The following NELL1 variants were observed in gnomAD, a reference collection of about 807,000 sequenced individuals.
The protein encoded by NELL1 is protein kinase C-binding protein NELL1.
NELL1 carries 76 observed loss-of-function variants against 107.4 expected under a neutral mutation model. That is an observed-to-expected ratio of 0.71 (90% CI 0.59 to 0.86). The LOEUF is 0.86. Ranked by LOEUF, NELL1 falls within the 40% of genes least tolerant of loss-of-function variation. The pLI is 0.00. For missense variants in NELL1, 1,024 were observed against 1,005.5 expected (o/e 1.02, Z -0.25); for synonymous variants, 353 against 341.2 (o/e 1.03, Z -0.38).
chr11:21,087,387 GA>G (rs61212226), intron 12 of NELL1, among the ~76,000 whole-genome samples: 66,898 of 148,478 alleles, frequency 0.45, 14,903 homozygotes, highest in East Asian at 0.55. Context: ...GATCTGAAAA[GA>G]AAAAAAAAAA....
intron 12 of NELL1, among the ~76,000 whole-genome samples, chr11:21,056,697 T>A (rs1311561665): frequency 6.6e-6 from 1 of 152,194 alleles, no homozygotes; most frequent in Non-Finnish European, 1.5e-5. Context: ...CATTTCATTT[T>A]TTATTAAAAC....
chr11:20,695,906 G>A (rs948957911), intron 2 of NELL1, among the ~76,000 whole-genome samples: 2 of 135,818 alleles, frequency 1.5e-5, no homozygotes, highest in African/African-American at 6.5e-5. Flanking sequence ...TCTGGCCTGG[G>A]CTTTTTTTTT....
intron 12 of NELL1, among the ~76,000 whole-genome samples, chr11:20,980,936 A>G (rs1399341210): frequency 4.6e-5 from 7 of 152,238 alleles, no homozygotes; most frequent in East Asian, 1.9e-4. Context: ...TCAGTGAGCA[A>G]TACCTCCAAA....
At chr11:20,961,030 A>T (rs1851279452) in intron 12 of NELL1, among the ~76,000 whole-genome samples, 1 of 152,106 alleles carries the variant, frequency 6.6e-6, no homozygotes, top group African/African-American at 2.4e-5. Flanking sequence ...TTTCTTCGTG[A>T]CTGGTTCATG....
chr11:21,431,940 A>T (rs1344665717), intron 15 of NELL1, among the ~76,000 whole-genome samples: 1 of 152,116 alleles, frequency 6.6e-6, no homozygotes, highest in Non-Finnish European at 1.5e-5. Context: ...ATTCAGGGCT[A>T]TTTTCCTTAC....
At position 21,011,218 on chromosome 11, in the gene NELL1, C is replaced by G. The variant is rs146898105; in HGVS notation, c.1300+50658C>G. 2.6e-3 allele frequency among the ~76,000 whole-genome samples: 391 copies of G among 152,230 alleles called. 3 individuals carry two copies. Among genetic ancestry groups the G allele is most frequent in the African/African-American group, 8.7e-3 (361 of 41,566 alleles). On this transcript the variant is annotated intron_variant, in intron 12 of 19. Coordinates refer to ENST00000357134, the MANE Select transcript of NELL1 (RefSeq NM_006157.5). ...CCAAGAATATCCTCTATGATGAAGT[C>G]TTTCTGGATCTCCTGGTCTAGCCCA...
intron 10 of NELL1, among the ~76,000 whole-genome samples, chr11:20,938,749 G>A (rs1850779946): frequency 6.6e-6 from 1 of 152,132 alleles, no homozygotes; most frequent in East Asian, 1.9e-4. Context: ...TTTACTTAGG[G>A]ACCTGCAAAT....
At chr11:21,335,269 A>T (rs1010024) in intron 14 of NELL1, among the ~76,000 whole-genome samples, 75,671 of 151,488 alleles carry the variant, frequency 0.5, 19,220 homozygotes, top group Admixed American at 0.62. Context: ...TTTTGCAGTT[A>T]CATCAAGAGC....
chr11:21,235,276 C>T (rs758869065), intron 14 of NELL1, among the ~76,000 whole-genome samples: 7 of 152,042 alleles, frequency 4.6e-5, no homozygotes, highest in Non-Finnish European at 7.4e-5. Flanking sequence ...TATTGAAAAA[C>T]GGGAGGATTG....
intron 15 of NELL1, among the ~76,000 whole-genome samples, chr11:21,480,739 T>C (rs755881094): frequency 1.3e-5 from 2 of 152,318 alleles, no homozygotes; most frequent in Non-Finnish European, 2.9e-5. Context: ...TAACCAGTTG[T>C]GCCAGAGAGG....
intron 15 of NELL1, among the ~76,000 whole-genome samples, chr11:21,503,400 A>G: frequency 6.6e-6 from 1 of 152,198 alleles, no homozygotes; most frequent in East Asian, 1.9e-4. Context: ...TAGGACAAAA[A>G]TCAAATAAGC....
At chr11:21,489,850 T>C (rs1045673728) in intron 15 of NELL1, among the ~76,000 whole-genome samples, 4 of 151,656 alleles carry the variant, frequency 2.6e-5, no homozygotes, top group Non-Finnish European at 5.9e-5. Context: ...TCATAGTGAG[T>C]GGGGAAAAGC....
At chr11:21,097,353 G>C (rs534591115) in intron 12 of NELL1, among the ~76,000 whole-genome samples, 1 of 152,332 alleles carries the variant, frequency 6.6e-6, no homozygotes, top group South Asian at 2.1e-4. Context: ...TATTTCTGCA[G>C]AAGGGTGCCA....
intron 15 of NELL1, among the ~76,000 whole-genome samples, chr11:21,409,565 AAAACTT>A (rs1307137880): frequency 1.3e-5 from 2 of 151,996 alleles, no homozygotes; most frequent in Admixed American, 6.6e-5. Context: ...CATGTACCCT[AAAACTT>A]AAAGTATAAT....
At chr11:21,408,290 A>G (rs528805174) in intron 15 of NELL1, among the ~76,000 whole-genome samples, 1 of 152,110 alleles carries the variant, frequency 6.6e-6, no homozygotes, top group South Asian at 2.1e-4. Context: ...TCTTCCTACC[A>G]GATACCTTGC....
At chr11:21,296,176 T>C (rs1849371162) in intron 14 of NELL1, among the ~76,000 whole-genome samples, 1 of 152,024 alleles carries the variant, frequency 6.6e-6, no homozygotes, top group African/African-American at 2.4e-5. Context: ...AATGTTCTCA[T>C]AATACCGGGT....
At chr11:20,856,714 GATTC>G (rs1848888366) in intron 4 of NELL1, among the ~76,000 whole-genome samples, 2 of 152,194 alleles carry the variant, frequency 1.3e-5, no homozygotes, top group Non-Finnish European at 1.5e-5. Flanking sequence ...GGGAAATGCT[GATTC>G]AAATTTCTTG....
chr11:20,935,167 G>A (rs1439745848), intron 9 of NELL1, among the ~76,000 whole-genome samples: 1 of 152,136 alleles, frequency 6.6e-6, no homozygotes, highest in South Asian at 2.1e-4. Flanking sequence ...GTTGCAATTA[G>A]CAGCAGGGAC....
In NELL1 at chr11:20,679,271, G is replaced by A. The variant is rs143513462; in HGVS notation, c.184+1211G>A. Among the ~76,000 whole-genome samples the A allele has an allele frequency of 3.3e-5, 5 of 152,298 alleles. No individual in the cohort carries two copies. In the East Asian group the frequency reaches 9.7e-4, roughly 29 times the overall value. On this transcript the variant is annotated intron_variant, in intron 2 of 19. Coordinates refer to ENST00000357134, the MANE Select transcript of NELL1 (RefSeq NM_006157.5). Reference sequence around the variant, plus strand: ...TTACTCTCAGAGAAGTGGGGCCTTTGTAGAGGTTTAAACAGGGAAATGAAC... The same window carrying A: ...TTACTCTCAGAGAAGTGGGGCCTTTATAGAGGTTTAAACAGGGAAATGAAC...
Sources: gnomAD v4.1 joint callset for allele counts (sites outside exome capture counted in the v4.1 genomes callset) on GRCh38, gnomAD v4.1.1 for gene constraint, MANE v1.5 for transcripts, NCBI Gene and HGNC (gene_info 2026-07-23, HGNC 2026-07-21) for gene names.